MPHOSPH6: variants seen among roughly 807,000 people sequenced by gnomAD.
MPHOSPH6 encodes M-phase phosphoprotein 6.
In MPHOSPH6, 25 loss-of-function variants were observed where a neutral mutation model predicts 21.8. That is an observed-to-expected ratio of 1.15 (90% CI 0.83 to 1.60). The LOEUF (loss-of-function observed/expected upper bound fraction) is 1.60, where lower values mean the gene tolerates loss of function less well. Among genes scored for constraint, MPHOSPH6 ranks in the 40% most tolerant of loss-of-function variants. The pLI, the probability that MPHOSPH6 is intolerant of heterozygous loss-of-function variation, is 0.00. For synonymous variants in MPHOSPH6, 84 were observed against 56.5 expected (o/e 1.49, Z -2.18); for missense variants, 269 against 181.8 (o/e 1.48, Z -2.76).
chr16:82,156,449 A>C (rs1414920861), intron 2 of MPHOSPH6, among the ~76,000 whole-genome samples: 1 of 152,222 alleles, frequency 6.6e-6, no homozygotes, highest in African/African-American at 2.4e-5. Context: ...AAACTTTCTC[A>C]ATTTTTAAAA....
chr16:82,155,952 A>T (rs1222091522), intron 2 of MPHOSPH6, among the ~76,000 whole-genome samples: 1 of 152,146 alleles, frequency 6.6e-6, no homozygotes, highest in Non-Finnish European at 1.5e-5. Flanking sequence ...TATGAAAGAC[A>T]TGTCCTTTGA....
chr16:82,159,882 C>T (rs929893287), intron 2 of MPHOSPH6, among the ~76,000 whole-genome samples: 1 of 152,162 alleles, frequency 6.6e-6, no homozygotes, highest in African/African-American at 2.4e-5. Context: ...TGCTGTTCAG[C>T]TTTTTCTATG....
chr16:82,162,697 T>G (rs1278225211), intron 2 of MPHOSPH6, among the ~76,000 whole-genome samples: 1 of 152,214 alleles, frequency 6.6e-6, no homozygotes, highest in African/African-American at 2.4e-5. Context: ...CACACCTTGA[T>G]AGTCTCTCCT....
At chr16:82,154,032 G>C (rs2142407144) in intron 2 of MPHOSPH6, among the ~76,000 whole-genome samples, 1 of 152,000 alleles carries the variant, frequency 6.6e-6, no homozygotes, top group African/African-American at 2.4e-5. Flanking sequence ...ATACCAGCAA[G>C]GTAAATTTTG....
intron 2 of MPHOSPH6, among the ~76,000 whole-genome samples, chr16:82,155,034 C>G (rs965770107): frequency 2.0e-5 from 3 of 152,150 alleles, no homozygotes; most frequent in Non-Finnish European, 4.4e-5. Flanking sequence ...GAGTGTATGT[C>G]AGAAATACAA....
intron 1 of MPHOSPH6, among the ~76,000 whole-genome samples, chr16:82,167,374 AACCTTTTTGGCAC>A: frequency 6.6e-6 from 1 of 152,316 alleles, no homozygotes; most frequent in Non-Finnish European, 1.5e-5. Context: ...AGTGGTCCCC[AACCTTTTTGGCAC>A]CAGGGATGGG....
intron 2 of MPHOSPH6, 113 bp downstream of exon 2, chr16:82,163,969 C>G: frequency 1.5e-6 from 1 of 673,116 alleles, no homozygotes. Context: ...AATCAATAAA[C>G]TGAACAGAAA....
chr16:82,159,029 A>G lies in MPHOSPH6; in HGVS notation c.164+5053T>C, dbSNP rs116748609. ...GATTCCACGTTGCAATTTACTCTGA[A>G]GAAACTACTACTGACTGAGTTTTGG... On this transcript the variant is annotated intron_variant, in intron 2 of 4. Coordinates refer to ENST00000258169, the MANE Select transcript of MPHOSPH6 (RefSeq NM_005792.2). Among the ~76,000 whole-genome samples, 480 of 152,368 alleles carry G rather than the reference A, an allele frequency of 3.2e-3. 3 individuals carry two copies. Among genetic ancestry groups the G allele is most frequent in the African/African-American group, 0.011 (467 of 41,586 alleles).
chr16:82,149,027 T>C (rs1255629077), intron 4 of MPHOSPH6, among the ~76,000 whole-genome samples, 164 bp from the exon 5 acceptor site: 2 of 151,976 alleles, frequency 1.3e-5, no homozygotes, highest in African/African-American at 4.8e-5. Context: ...TCTCTAAGAG[T>C]GATTAAATTC....
chr16:82,156,741 A>G (rs528156711), intron 2 of MPHOSPH6, among the ~76,000 whole-genome samples: 2 of 152,362 alleles, frequency 1.3e-5, no homozygotes, highest in East Asian at 1.9e-4. Flanking sequence ...ACAAAACTTG[A>G]GTATGAATGT....
rs1220805277 is a variant in MPHOSPH6, at chr16:82,149,480, C to G, written c.256-77G>C. ...AACTGATGTCAAACTTACCTGAAGG[C>G]AGAGAAACTGAAGTCAAATAATCTA... On this transcript the variant is annotated intron_variant, in intron 3 of 4. Transcript: ENST00000258169. The G allele has an allele frequency of 1.3e-5, 16 of 1,241,950 alleles. No homozygotes were observed. The Admixed American group carries it at 2.5e-4, about 20-fold the overall frequency. The allele number at this position is 1,241,950 out of a possible 1,614,324, so 76.9% of individuals were successfully genotyped here.
intron 1 of MPHOSPH6, 146 bp from the exon 2 acceptor site, chr16:82,164,340 G>C (rs1391011375): frequency 1.6e-6 from 1 of 619,526 alleles, no homozygotes; most frequent in African/African-American, 1.8e-5. Context: ...GTGATCAAAC[G>C]GTTTAGCTCT....
At chr16:82,165,126 TTTTTTTA>T (rs1367273053) in intron 1 of MPHOSPH6, among the ~76,000 whole-genome samples, 5,315 of 96,670 alleles carry the variant, frequency 0.055, 775 homozygotes, top group Non-Finnish European at 0.074. Flanking sequence ...TTTTTATTTT[TTTTTTTA>T]TTTTTTTTTT....
rs774851482 is a variant in MPHOSPH6 at position 82,148,877 on chromosome 16, A to G, written c.351-14T>C. On this transcript the variant is annotated splice_polypyrimidine_tract_variant and intron_variant, in intron 4 of 4. Coordinates refer to ENST00000258169, the MANE Select transcript of MPHOSPH6 (RefSeq NM_005792.2). ...AAGGTCTCATATCTGTCAAGAGGAC[A>G]GGCAGCACACGTTTAATTTCAAATA... The G allele has an allele frequency of 5.0e-6, 8 of 1,613,610 alleles. No individual in the cohort carries two copies. Among genetic ancestry groups the G allele is most frequent in the Admixed American group, 1.7e-5 (1 of 59,918 alleles).
chr16:82,166,092 C>G (rs1031898347), intron 1 of MPHOSPH6, among the ~76,000 whole-genome samples: 5 of 152,224 alleles, frequency 3.3e-5, no homozygotes, highest in Admixed American at 1.3e-4. Flanking sequence ...TGCGTCAGCT[C>G]ACTGTCAATG....
At position 82,149,347 on chromosome 16, in the gene MPHOSPH6, T is replaced by A; in HGVS notation, c.312A>T (p.Thr104=). The A allele has an allele frequency of 6.2e-7, 1 of 1,613,392 alleles. No individual in the cohort carries two copies. The highest frequency in any genetic ancestry group is 8.5e-7 in the Non-Finnish European group (1 of 1,180,044). The stretch of plus-strand genomic sequence containing the variant: ...CTTCATCTGACACATCAAGCTCTAC[T>A]GTTTCATCTTCAACTTCTTCTGCTT... ...KHKAEEVEDE[T]VELDVSDEEM... is the part of the protein sequence containing the mutation. The change falls in exon 4 of 5, where the codon ACA becomes ACT. Residue 104 remains threonine (T), a synonymous_variant. Coordinates refer to ENST00000258169, the MANE Select transcript of MPHOSPH6 (RefSeq NM_005792.2).
At position 82,151,451 on chromosome 16, in the gene MPHOSPH6, T is replaced by A; in HGVS notation, c.228A>T (p.Ser76=). 6.2e-7 allele frequency: 1 copy of A among 1,607,344 alleles called. No individual in the cohort carries two copies. The highest frequency in any genetic ancestry group is 1.3e-5 in the African/African-American group (1 of 74,732). ...LCEDLLYGRM[S]FRGFNPEVEK... is the part of the protein sequence containing the mutation. The stretch of plus-strand genomic sequence containing the variant: ...CAACCTCAGGATTAAATCCTCTGAA[T>A]GACATTCTTCCATAGAGAAGATCTT... Residue 76 remains serine, a synonymous_variant, in exon 3 of 5, where the codon TCA becomes TCT. Transcript: ENST00000258169.
chr16:82,151,368 A>T, intron 3 of MPHOSPH6, 56 bp downstream of exon 3: 1 of 1,592,476 alleles, frequency 6.3e-7, no homozygotes, highest in Non-Finnish European at 8.5e-7. Flanking sequence ...CCCAATTATT[A>T]GCAGAAAAAA....
intron 2 of MPHOSPH6, among the ~76,000 whole-genome samples, chr16:82,151,793 T>C (rs1906273442): frequency 6.6e-6 from 1 of 152,234 alleles, no homozygotes; most frequent in Non-Finnish European, 1.5e-5. Context: ...GTATTGACAA[T>C]AAACTTGAAT....
Sources: allele counts gnomAD v4.1 joint callset (sites outside exome capture counted in the v4.1 genomes callset), GRCh38; gene constraint gnomAD v4.1.1; transcripts MANE v1.5; gene names NCBI Gene and HGNC (gene_info 2026-07-23, HGNC 2026-07-21).